DHRS7B: variants seen among roughly 807,000 people sequenced by gnomAD.
The protein encoded by DHRS7B is dehydrogenase/reductase 7B.
Under a neutral mutation model 26.4 loss-of-function variants are expected in DHRS7B, and 24 were observed. The ratio of observed to expected loss-of-function variants is 0.91; its 90% CI spans 0.66 to 1.28. DHRS7B has a LOEUF of 1.28. Ranked by LOEUF, DHRS7B falls within the 50% of genes most tolerant of loss-of-function variation. The pLI is 0.00. For synonymous variants in DHRS7B, 142 were observed against 166.4 expected (o/e 0.85, Z 1.13); for missense variants, 368 against 419.4 (o/e 0.88, Z 1.07).
intron 1 of DHRS7B, among the ~76,000 whole-genome samples, chr17:21,132,045 A>T (rs557543969): frequency 6.6e-6 from 1 of 152,188 alleles, no homozygotes. Flanking sequence ...TTGAGTTGTT[A>T]AAACTTCAGA....
chr17:21,157,966 C>G (rs1174945522), intron 1 of DHRS7B, among the ~76,000 whole-genome samples: 2 of 151,890 alleles, frequency 1.3e-5, no homozygotes, highest in Non-Finnish European at 2.9e-5. Flanking sequence ...TAATAATAAT[C>G]CATCACATCA....
chr17:21,153,711 C>T (rs58184879), intron 1 of DHRS7B, among the ~76,000 whole-genome samples: 2,967 of 151,966 alleles, frequency 0.02, 114 homozygotes, highest in African/African-American at 0.068. Context: ...AGTGTCCTCA[C>T]GTGGCAGACG....
intron 1 of DHRS7B, among the ~76,000 whole-genome samples, chr17:21,150,158 TAA>T (rs1973738233): frequency 9.2e-6 from 1 of 109,238 alleles, no homozygotes; most frequent in South Asian, 2.9e-4. Flanking sequence ...TCTGAATGGA[TAA>T]AAAGTCCTTG....
chr17:21,127,267 C>T, intron 1 of DHRS7B: 2 of 445,934 alleles, frequency 4.5e-6, no homozygotes, highest in Non-Finnish European at 7.9e-6. Context: ...GAATGGGTGT[C>T]GCGCCGGGCG....
Position 21,183,588 on chromosome 17 carries a change from G to T in DHRS7B, c.310-6G>T. On this transcript the variant is annotated splice_region_variant and splice_polypyrimidine_tract_variant and intron_variant, in intron 3 of 6. Transcript: ENST00000395511. ...AAGTGAATTTGTATCTGTTGTATTTGACCAGGTGCAGACACACAAGCCTTA... is the reference window on the plus strand; with the variant it reads ...AAGTGAATTTGTATCTGTTGTATTTTACCAGGTGCAGACACACAAGCCTTA... The T allele has an allele frequency of 1.2e-6, 2 of 1,612,204 alleles. No homozygotes were observed. The highest frequency in any genetic ancestry group is 2.2e-5 in the South Asian group (2 of 90,888).
intron 1 of DHRS7B, chr17:21,166,225 G>C: frequency 1.0e-6 from 1 of 985,462 alleles, no homozygotes; most frequent in Non-Finnish European, 1.2e-6. Flanking sequence ...TGAACACTCA[G>C]GAGCCTGGTC....
intron 1 of DHRS7B, among the ~76,000 whole-genome samples, chr17:21,140,819 A>G (rs186379485): frequency 5.9e-5 from 9 of 152,342 alleles, no homozygotes; most frequent in African/African-American, 2.2e-4. Context: ...TAGAGGTGCC[A>G]TAAAACCTAT....
At chr17:21,177,187 GAGACA>G (rs574604052) in intron 2 of DHRS7B, among the ~76,000 whole-genome samples, 9 of 152,326 alleles carry the variant, frequency 5.9e-5, no homozygotes, top group Admixed American at 5.2e-4. Context: ...GAGCTGGGAA[GAGACA>G]AGACAAAACT....
intron 2 of DHRS7B, among the ~76,000 whole-genome samples, chr17:21,177,441 C>A (rs909409776): frequency 3.3e-5 from 5 of 152,204 alleles, no homozygotes; most frequent in African/African-American, 1.2e-4. Flanking sequence ...TTTGGACTGT[C>A]CCTGCTGTGG....
At chr17:21,146,304 G>A (rs1973642453) in intron 1 of DHRS7B, among the ~76,000 whole-genome samples, 1 of 152,166 alleles carries the variant, frequency 6.6e-6, no homozygotes, top group South Asian at 2.1e-4. Context: ...GGGAGGTTGT[G>A]GTGAGAGGAT....
At chr17:21,149,332 C>G (rs1005015243) in intron 1 of DHRS7B, among the ~76,000 whole-genome samples, 2 of 152,204 alleles carry the variant, frequency 1.3e-5, no homozygotes, top group Non-Finnish European at 2.9e-5. Flanking sequence ...TTTACCGCCA[C>G]TAAACCCATC....
At chr17:21,163,919 G>C (rs1015152895) in intron 1 of DHRS7B, among the ~76,000 whole-genome samples, 5 of 151,898 alleles carry the variant, frequency 3.3e-5, no homozygotes, top group Admixed American at 6.6e-5. Flanking sequence ...AAGCTCCTGA[G>C]CTCAAGTGAT....
At chr17:21,169,944 A>G (rs539542667) in intron 1 of DHRS7B, among the ~76,000 whole-genome samples, 6 of 152,004 alleles carry the variant, frequency 3.9e-5, no homozygotes, top group Admixed American at 1.3e-4. Flanking sequence ...GGGTGGTCCT[A>G]CCCTGAGACC....
intron 1 of DHRS7B, among the ~76,000 whole-genome samples, chr17:21,146,574 C>G (rs185817965): frequency 2.3e-3 from 351 of 152,342 alleles, no homozygotes; most frequent in African/African-American, 7.9e-3. Context: ...GATCCAAGGT[C>G]TGCCTGGTTC....
rs1306899958 is a variant in DHRS7B, at chr17:21,188,610, G to A, written c.620-101G>A. On this transcript the variant is annotated intron_variant, in intron 5 of 6. Coordinates refer to ENST00000395511, the MANE Select transcript of DHRS7B (RefSeq NM_015510.5). ...AGCAAGACGATCACAAATAAAACCA[G>A]GTTTTCAAAACAGAGAGCGTGAATG... 9.8e-6 allele frequency: 13 copies of A among 1,321,254 alleles called. No homozygotes were observed. In the Admixed American group the frequency reaches 3.3e-4, roughly 34 times the overall value. The allele number at this position is 1,321,254 out of a possible 1,614,324, so 81.8% of individuals were successfully genotyped here.
At chr17:21,176,001 CAT>C (rs952641595) in intron 2 of DHRS7B, among the ~76,000 whole-genome samples, 1 of 151,030 alleles carries the variant, frequency 6.6e-6, no homozygotes, top group East Asian at 2.0e-4. Flanking sequence ...ATTATTTACA[CAT>C]ATTTTTATTT....
At chr17:21,148,049 C>CT (rs1371905096) in intron 1 of DHRS7B, among the ~76,000 whole-genome samples, 3 of 151,914 alleles carry the variant, frequency 2.0e-5, no homozygotes, top group Admixed American at 2.0e-4. Context: ...GATAGTGTCT[C>CT]TATTTTAAAA....
chr17:21,154,320 A>G (rs899834152), intron 1 of DHRS7B, among the ~76,000 whole-genome samples: 3 of 152,194 alleles, frequency 2.0e-5, no homozygotes, highest in African/African-American at 4.8e-5. Flanking sequence ...CCAAAAAAAA[A>G]AAAATTACAT....
intron 2 of DHRS7B, 64 bp from the exon 3 acceptor site, chr17:21,178,169 G>A: frequency 6.7e-7 from 1 of 1,498,484 alleles, no homozygotes; most frequent in African/African-American, 1.4e-5. Context: ...AGCAACGCTG[G>A]GTGAATTTAA....
Sources: allele counts gnomAD v4.1 joint callset (sites outside exome capture counted in the v4.1 genomes callset), GRCh38; gene constraint gnomAD v4.1.1; transcripts MANE v1.5; gene names NCBI Gene and HGNC (gene_info 2026-07-23, HGNC 2026-07-21).